Variants in TNS1 observed in about 807,000 individuals in gnomAD.
The protein encoded by TNS1 is tensin-1.
TNS1 carries 62 observed loss-of-function variants against 168.6 expected under a neutral mutation model. That is an observed-to-expected ratio of 0.37 (90% CI 0.30 to 0.45). TNS1 has a LOEUF of 0.45. Among genes scored for constraint, TNS1 ranks in the 20% least tolerant of loss-of-function variants. The probability of loss-of-function intolerance (pLI) is 1.00; values close to 1 mark genes in which losing one functional copy is unlikely to be tolerated. For missense variants in TNS1, 2,240 were observed against 2,339.4 expected (o/e 0.96, Z 0.88); for synonymous variants, 934 against 933.2 (o/e 1.00, Z -0.02).
chr2:217,831,573 A>C, intron 21 of TNS1, 26 bp from the exon 22 acceptor site: 2 of 1,451,780 alleles, frequency 1.4e-6, no homozygotes, highest in Non-Finnish European at 1.8e-6. Flanking sequence ...GAGGGGAGAC[A>C]CAGGGAGTGA....
At position 217,986,330 on chromosome 2, in the gene TNS1, C is replaced by T. The variant is rs141104091; in HGVS notation, c.148+4612G>A. ...AGGCTTGTCCTGTTAAAGGACGGAT[C>T]GTCTTTCCAGGTGCATCCTGCCCTA... is the stretch of plus-strand genomic sequence containing the variant. On this transcript the variant is annotated intron_variant, in intron 2 of 32. Transcript: ENST00000682258. The surrounding 1 kb of genome is among the most constrained non-coding windows in gnomAD (Gnocchi z 4.7). 6.6e-6 allele frequency among the ~76,000 whole-genome samples: 1 copy of T among 152,224 alleles called. No individual in the cohort carries two copies. The highest frequency in any genetic ancestry group is 1.5e-5 in the Non-Finnish European group (1 of 68,046).
chr2:217,999,641 G>C (rs1958527632), intron 1 of TNS1, among the ~76,000 whole-genome samples: 1 of 152,180 alleles, frequency 6.6e-6, no homozygotes, highest in Non-Finnish European at 1.5e-5. Flanking sequence ...ACAGTCAGGA[G>C]GCCCTTACAG....
At chr2:217,900,237 C>A (rs765737803) in intron 7 of TNS1, among the ~76,000 whole-genome samples, 1 of 152,244 alleles carries the variant, frequency 6.6e-6, no homozygotes, top group Non-Finnish European at 1.5e-5. Context: ...TGAGCTCATG[C>A]AGGTAAATAA....
intron 19 of TNS1, among the ~76,000 whole-genome samples, chr2:217,837,939 C>A (rs1276617866): frequency 6.6e-6 from 1 of 152,236 alleles, no homozygotes; most frequent in Non-Finnish European, 1.5e-5. Context: ...GAGCCCCCAT[C>A]CCACTCAGGT....
At position 217,813,009 on chromosome 2, in the gene TNS1, C is replaced by G. The variant is rs531605271; in HGVS notation, c.4954+206G>C. Reference sequence around the variant, plus strand: ...TAATGATAACAAGTCCCAGCTGGGTCGGACAAACACAGACTGCAGTTTGGC... The same window carrying G: ...TAATGATAACAAGTCCCAGCTGGGTGGGACAAACACAGACTGCAGTTTGGC... On this transcript the variant is annotated intron_variant, in intron 27 of 32. Coordinates refer to ENST00000682258, the MANE Select transcript of TNS1 (RefSeq NM_001387777.1). This position sits in a 1 kb window ranked among gnomAD's most constrained non-coding sequence, Gnocchi z 4.0. 2.6e-5 allele frequency among the ~76,000 whole-genome samples: 4 copies of G among 152,338 alleles called. No individual in the cohort carries two copies. Among genetic ancestry groups the G allele is most frequent in the Admixed American group, 2.6e-4 (4 of 15,300 alleles).
At chr2:217,980,077 G>A (rs1441462405) in intron 2 of TNS1, among the ~76,000 whole-genome samples, 1 of 152,112 alleles carries the variant, frequency 6.6e-6, no homozygotes, top group African/African-American at 2.4e-5. Flanking sequence ...GGGAGAAGCT[G>A]GGAAGCACAC....
intron 3 of TNS1, among the ~76,000 whole-genome samples, chr2:217,929,682 C>T (rs978921469): frequency 1.3e-5 from 2 of 148,680 alleles, no homozygotes; most frequent in African/African-American, 5.0e-5. Flanking sequence ...CCCACCACCC[C>T]TCCCTCAGCC....
At chr2:217,980,506 C>CAGAGAGAGAG (rs3842558) in intron 2 of TNS1, among the ~76,000 whole-genome samples, 15 of 117,618 alleles carry the variant, frequency 1.3e-4, no homozygotes, top group South Asian at 1.1e-3. Flanking sequence ...TACACACACA[C>CAGAGAGAGAG]AGAGAGAGAG....
At chr2:217,946,961 T>TCACACACACACACACACACA (rs1363329507) in intron 3 of TNS1, among the ~76,000 whole-genome samples, 2 of 133,866 alleles carry the variant, frequency 1.5e-5, no homozygotes, top group African/African-American at 7.1e-5. Context: ...TCTCTCTCTC[T>TCACACACACACACACACACA]CTCTCTCTCA....
rs781212293 is a variant in TNS1, at chr2:217,818,308, C to T, written c.4024G>A (p.Ala1342Thr). ...AGGCTGGGGCTCCCCGGGGTGGTCG[C>T]TGCACTGCTCTGGGGGCTGGAGACA... ...STVSSPQSSA[A>T]TTPGSPSLCR... Residue 1342 changes from alanine (A) to threonine (T), a missense_variant, in exon 24 of 33, where the codon GCG (alanine) becomes ACG (threonine). By Grantham distance (58) the Ala-to-Thr change is moderately conservative (BLOSUM62 0). Coordinates refer to ENST00000682258, the MANE Select transcript of TNS1 (RefSeq NM_001387777.1). The T allele has an allele frequency of 2.4e-5, 38 of 1,613,824 alleles. No individual in the cohort carries two copies. Among genetic ancestry groups the T allele is most frequent in the Non-Finnish European group, 3.1e-5 (36 of 1,179,894 alleles).
At chr2:217,889,729 T>C (rs1046152933) in intron 12 of TNS1, among the ~76,000 whole-genome samples, 1 of 152,244 alleles carries the variant, frequency 6.6e-6, no homozygotes, top group Admixed American at 6.5e-5. Flanking sequence ...CTGAGCTCCA[T>C]AAGCCCTTGC....
In TNS1 at chr2:217,956,590, CT is replaced by C. The variant is rs1285575610; in HGVS notation, c.186+22174del. On this transcript the variant is annotated intron_variant, in intron 3 of 32. Coordinates refer to ENST00000682258, the MANE Select transcript of TNS1 (RefSeq NM_001387777.1). ...CCCTCGCTTCAGTCTCTTTCTCCCC[CT>C]GTAACCTGACAAATGTTCTAGGGCT... Among the ~76,000 whole-genome samples the C allele has an allele frequency of 3.3e-5, 5 of 152,174 alleles. No homozygotes were observed. The East Asian group carries it at 9.6e-4, about 29-fold the overall frequency.
chr2:217,807,227 G>T lies in TNS1; in HGVS notation c.5375+848C>A, dbSNP rs552395759. The stretch of plus-strand genomic sequence containing the variant: ...TACCTATTATAAAGTCAATCAGTGA[G>T]GATAATAGGGCTGTTGGAATAATCC... On this transcript the variant is annotated intron_variant, in intron 32 of 32. Transcript: ENST00000682258. 7.9e-5 allele frequency among the ~76,000 whole-genome samples: 12 copies of T among 152,328 alleles called. No individual in the cohort carries two copies. The East Asian group carries it at 2.3e-3, about 29-fold the overall frequency.
chr2:217,826,755 T>C (rs1169452892), intron 22 of TNS1, among the ~76,000 whole-genome samples: 1 of 151,890 alleles, frequency 6.6e-6, no homozygotes, highest in Non-Finnish European at 1.5e-5. Context: ...ACAGGGAGGG[T>C]GCTTCATGTA....
chr2:217,961,505 G>T (rs983761300), intron 3 of TNS1, among the ~76,000 whole-genome samples: 1 of 152,082 alleles, frequency 6.6e-6, no homozygotes, highest in South Asian at 2.1e-4. Context: ...TCTCACTCTG[G>T]CTTAAAGGCA....
chr2:217,866,339 T>A (rs1229416386), intron 18 of TNS1, among the ~76,000 whole-genome samples: 1 of 152,168 alleles, frequency 6.6e-6, no homozygotes, highest in African/African-American at 2.4e-5. Context: ...AGGATACAAC[T>A]CAGAGAAGAT....
chr2:217,964,711 C>T (rs574253812), intron 3 of TNS1, among the ~76,000 whole-genome samples: 37 of 152,282 alleles, frequency 2.4e-4, no homozygotes, highest in Non-Finnish European at 5.1e-4. Context: ...ATGTGACCCA[C>T]GAGTGACCTT....
chr2:217,915,886 C>G (rs1318130445), intron 4 of TNS1, among the ~76,000 whole-genome samples: 1 of 152,180 alleles, frequency 6.6e-6, no homozygotes, highest in African/African-American at 2.4e-5. Context: ...CCCAATGGCC[C>G]CACGTCATGG....
At chr2:217,872,868 T>C (rs968265823) in intron 18 of TNS1, among the ~76,000 whole-genome samples, 1 of 152,142 alleles carries the variant, frequency 6.6e-6, no homozygotes, top group African/African-American at 2.4e-5. Flanking sequence ...GCAACAAAAA[T>C]GAATAAAATA....
Sources: gnomAD v4.1 joint callset for allele counts (sites outside exome capture counted in the v4.1 genomes callset) on GRCh38, gnomAD v4.1.1 for gene constraint, Gnocchi (gnomAD v3.1) non-coding constraint, MANE v1.5 for transcripts, NCBI Gene and HGNC (gene_info 2026-07-23, HGNC 2026-07-21) for gene names.